Variants in ATP8A2 observed in about 807,000 individuals in gnomAD.
ATP8A2 encodes the protein phospholipid-transporting ATPase IB.
A neutral mutation model predicts 165.6 loss-of-function variants in ATP8A2; 100 were observed. The ratio of observed to expected loss-of-function variants is 0.60; its 90% CI spans 0.51 to 0.71. ATP8A2 has a LOEUF of 0.71. ATP8A2 is among the 30% of genes least tolerant of loss of function. The probability of loss-of-function intolerance (pLI) is 0.00; values close to 1 mark genes in which losing one functional copy is unlikely to be tolerated. For missense variants in ATP8A2, 1,227 were observed against 1,479.5 expected (o/e 0.83, Z 2.80); for synonymous variants, 543 against 548.8 (o/e 0.99, Z 0.15).
chr13:25,530,996 C>T (rs2038013438), intron 4 of ATP8A2, among the ~76,000 whole-genome samples: 1 of 151,832 alleles, frequency 6.6e-6, no homozygotes, highest in Non-Finnish European at 1.5e-5. Flanking sequence ...AGCATTGTCT[C>T]GCTCTGCCTG....
intron 36 of ATP8A2, among the ~76,000 whole-genome samples, chr13:26,016,112 C>T (rs1370247059): frequency 6.6e-6 from 1 of 152,206 alleles, no homozygotes; most frequent in Non-Finnish European, 1.5e-5. Flanking sequence ...CATGGGAGGA[C>T]TCCCTCTCCC....
At chr13:25,657,686 T>G (rs17082602) in intron 24 of ATP8A2, among the ~76,000 whole-genome samples, 5,258 of 152,322 alleles carry the variant, frequency 0.035, 158 homozygotes, top group East Asian at 0.13. Flanking sequence ...CAAATGTTGG[T>G]GTTAAACAGA....
intron 25 of ATP8A2, among the ~76,000 whole-genome samples, chr13:25,765,371 T>C (rs1310992346): frequency 1.3e-5 from 2 of 152,210 alleles, no homozygotes; most frequent in African/African-American, 4.8e-5. Flanking sequence ...GGAATACTTA[T>C]TAAGTGTGGC....
chr13:25,996,858 A>G (rs1956519544), intron 35 of ATP8A2, among the ~76,000 whole-genome samples: 2 of 152,164 alleles, frequency 1.3e-5, no homozygotes, highest in Admixed American at 6.5e-5. Flanking sequence ...TAATTTTTGT[A>G]TTTTTAGTAG....
intron 35 of ATP8A2, among the ~76,000 whole-genome samples, chr13:25,981,173 A>G (rs986858463): frequency 6.6e-6 from 1 of 152,182 alleles, no homozygotes; most frequent in African/African-American, 2.4e-5. Flanking sequence ...GTGTTTTCAT[A>G]CTTTGCCTTG....
chr13:25,797,997 G>C (rs975307166), intron 27 of ATP8A2, among the ~76,000 whole-genome samples: 1 of 152,066 alleles, frequency 6.6e-6, no homozygotes, highest in Non-Finnish European at 1.5e-5. Flanking sequence ...ATTTACAAAA[G>C]TTTGATCTAT....
chr13:25,435,941 G>A (rs201535509), intron 1 of ATP8A2, among the ~76,000 whole-genome samples: 39 of 92,904 alleles, frequency 4.2e-4, no homozygotes, highest in South Asian at 8.3e-4. Flanking sequence ...GAGTGTGTGT[G>A]TGTGTGTGTG....
intron 33 of ATP8A2, among the ~76,000 whole-genome samples, chr13:25,942,595 T>G (rs1955100986): frequency 6.6e-6 from 1 of 152,172 alleles, no homozygotes; most frequent in Admixed American, 6.5e-5. Flanking sequence ...GCTAATTTTT[T>G]GTGTTTTAAG....
chr13:25,672,145 T>C (rs1346307554), intron 24 of ATP8A2, among the ~76,000 whole-genome samples: 1 of 152,186 alleles, frequency 6.6e-6, no homozygotes, highest in East Asian at 1.9e-4. Context: ...GGGTATCAAC[T>C]TGAAGTTAGT....
chr13:25,615,429 G>C (rs924509669), intron 24 of ATP8A2, among the ~76,000 whole-genome samples: 1 of 152,138 alleles, frequency 6.6e-6, no homozygotes, highest in Non-Finnish European at 1.5e-5. Flanking sequence ...TCCAGGCAGT[G>C]GGTGAGCAGG....
intron 33 of ATP8A2, among the ~76,000 whole-genome samples, chr13:25,919,561 G>T (rs189103731): frequency 6.6e-6 from 1 of 152,184 alleles, no homozygotes; most frequent in East Asian, 1.9e-4. Flanking sequence ...TCCAGCTCCT[G>T]CCCTAAGAGA....
intron 35 of ATP8A2, among the ~76,000 whole-genome samples, chr13:26,002,424 G>C (rs1253305909): frequency 6.6e-6 from 1 of 151,862 alleles, no homozygotes; most frequent in Non-Finnish European, 1.5e-5. Context: ...GTGGGGTGGG[G>C]GGATGGGGGA....
intron 24 of ATP8A2, among the ~76,000 whole-genome samples, chr13:25,667,940 C>G (rs2042187099): frequency 6.6e-6 from 1 of 152,102 alleles, no homozygotes; most frequent in Non-Finnish European, 1.5e-5. Context: ...TATAAGAACC[C>G]TGCTGCTGTA....
chr13:25,708,750 CGTT>C (rs1280361397), intron 25 of ATP8A2, among the ~76,000 whole-genome samples: 1 of 152,184 alleles, frequency 6.6e-6, no homozygotes, highest in Non-Finnish European at 1.5e-5. Flanking sequence ...GTTTCTTACT[CGTT>C]GAACTTTAGA....
chr13:25,401,671 C>T (rs1566106508), intron 1 of ATP8A2, among the ~76,000 whole-genome samples: 1 of 152,078 alleles, frequency 6.6e-6, no homozygotes, highest in Non-Finnish European at 1.5e-5. Flanking sequence ...GGTGCACATT[C>T]CAAGACACCC....
intron 24 of ATP8A2, among the ~76,000 whole-genome samples, chr13:25,613,920 G>A (rs2040755474): frequency 6.6e-6 from 1 of 151,870 alleles, no homozygotes; most frequent in Non-Finnish European, 1.5e-5. Context: ...AATCTGATAG[G>A]GTTTCCTTCA....
chr13:25,901,631 G>A (rs1221300827), intron 33 of ATP8A2, among the ~76,000 whole-genome samples: 2 of 152,114 alleles, frequency 1.3e-5, no homozygotes, highest in Non-Finnish European at 2.9e-5. Flanking sequence ...CAGGAACAGA[G>A]TAGTTTCAAA....
intron 33 of ATP8A2, among the ~76,000 whole-genome samples, chr13:25,884,793 T>C (rs1193651851): frequency 2.0e-5 from 3 of 152,212 alleles, no homozygotes; most frequent in African/African-American, 7.2e-5. Context: ...TCATTGCCCC[T>C]GCGGCTTCTC....
chr13:25,977,653 ATTG>A (rs1399586995), intron 35 of ATP8A2, among the ~76,000 whole-genome samples: 1 of 152,010 alleles, frequency 6.6e-6, no homozygotes, highest in Non-Finnish European at 1.5e-5. Flanking sequence ...TGTTGTTGTT[ATTG>A]TTCTTATGGA....
Sources: gnomAD v4.1 joint callset for allele counts (sites outside exome capture counted in the v4.1 genomes callset) on GRCh38, gnomAD v4.1.1 for gene constraint, MANE v1.5 for transcripts, NCBI Gene and HGNC (gene_info 2026-07-23, HGNC 2026-07-21) for gene names.